LRRIQ3: variants seen among roughly 807,000 people sequenced by gnomAD.
The protein encoded by LRRIQ3 is leucine rich repeats and IQ motif containing 3, also known as leucine-rich repeat and IQ domain-containing protein 3.
In LRRIQ3, 75 loss-of-function variants were observed where a neutral mutation model predicts 59.3. That is an observed-to-expected ratio of 1.26 (90% CI 1.05 to 1.53). The LOEUF (loss-of-function observed/expected upper bound fraction) is 1.53, where lower values mean the gene tolerates loss of function less well. LRRIQ3 is among the 40% of genes most tolerant of loss of function. LRRIQ3 has a pLI of 0.00. For synonymous variants in LRRIQ3, 250 were observed against 231.3 expected (o/e 1.08, Z -0.73); for missense variants, 831 against 710.0 (o/e 1.17, Z -1.94).
chr1:74,116,899 GATT>G (rs1237254807), intron 4 of LRRIQ3, among the ~76,000 whole-genome samples: 1 of 151,998 alleles, frequency 6.6e-6, no homozygotes, highest in Admixed American at 6.6e-5. Context: ...TAATTCAAAC[GATT>G]ATTAATTTAA....
intron 4 of LRRIQ3, among the ~76,000 whole-genome samples, chr1:74,124,841 G>T (rs956216141): frequency 6.6e-6 from 1 of 151,768 alleles, no homozygotes; most frequent in African/African-American, 2.4e-5. Flanking sequence ...TGGCTATTCT[G>T]GGTCATTTGT....
intron 6 of LRRIQ3, among the ~76,000 whole-genome samples, chr1:74,049,144 C>T (rs189787497): frequency 4.2e-4 from 64 of 152,232 alleles, no homozygotes; most frequent in African/African-American, 1.5e-3. Flanking sequence ...GACAGAAGCA[C>T]ATTTAGCCTG....
intron 4 of LRRIQ3, among the ~76,000 whole-genome samples, chr1:74,137,931 G>A (rs769705584): frequency 3.8e-4 from 57 of 151,664 alleles, no homozygotes; most frequent in Middle Eastern, 3.4e-3. Flanking sequence ...ATCACACACC[G>A]GGGCCTGTCA....
intron 7 of LRRIQ3, among the ~76,000 whole-genome samples, chr1:74,036,876 A>G (rs1454942056): frequency 1.3e-5 from 2 of 152,250 alleles, no homozygotes; most frequent in Admixed American, 6.5e-5. Context: ...AAGCACTTGT[A>G]CTAAGAAGTT....
intron 5 of LRRIQ3, among the ~76,000 whole-genome samples, chr1:74,103,630 G>C (rs758210949): frequency 2.0e-5 from 3 of 151,566 alleles, no homozygotes; most frequent in Non-Finnish European, 2.9e-5. Context: ...ATAAAAGAAG[G>C]TGACCAGTTC....
At chr1:74,168,555 C>G (rs1424869917) in intron 3 of LRRIQ3, among the ~76,000 whole-genome samples, 1 of 152,072 alleles carries the variant, frequency 6.6e-6, no homozygotes, top group African/African-American at 2.4e-5. Context: ...TTTCTTATAA[C>G]TGGCATATTT....
At chr1:74,129,827 C>G (rs1044827793) in intron 4 of LRRIQ3, among the ~76,000 whole-genome samples, 11 of 151,966 alleles carry the variant, frequency 7.2e-5, no homozygotes, top group Admixed American at 2.0e-4. Context: ...CTGGGTCTTT[C>G]TCTTCAAGAC....
chr1:74,107,385 C>T (rs1331025017), intron 5 of LRRIQ3, among the ~76,000 whole-genome samples: 1 of 151,894 alleles, frequency 6.6e-6, no homozygotes, highest in African/African-American at 2.4e-5. Flanking sequence ...CCTTTCCCTA[C>T]TCCTTAACCC....
intron 6 of LRRIQ3, among the ~76,000 whole-genome samples, chr1:74,065,752 C>T (rs1410218543): frequency 6.6e-6 from 1 of 152,040 alleles, no homozygotes; most frequent in East Asian, 1.9e-4. Context: ...CTTCTGGCCT[C>T]ATAAAATGTA....
At chr1:74,186,259 A>G (rs1303096703) in intron 1 of LRRIQ3, among the ~76,000 whole-genome samples, 1 of 151,950 alleles carries the variant, frequency 6.6e-6, no homozygotes, top group Non-Finnish European at 1.5e-5. Flanking sequence ...CTATAGATTC[A>G]TCCACCAGGA....
At chr1:74,130,747 T>C (rs947534437) in intron 4 of LRRIQ3, among the ~76,000 whole-genome samples, 12 of 152,008 alleles carry the variant, frequency 7.9e-5, no homozygotes, top group Non-Finnish European at 1.5e-4. Flanking sequence ...TGTTTTTAAA[T>C]AAAAATCTCT....
intron 5 of LRRIQ3, among the ~76,000 whole-genome samples, chr1:74,097,660 G>A (rs1646467418): frequency 6.6e-6 from 1 of 152,158 alleles, no homozygotes; most frequent in African/African-American, 2.4e-5. Context: ...AGAGAGAAAG[G>A]TTGGGTTACC....
intron 5 of LRRIQ3, among the ~76,000 whole-genome samples, chr1:74,090,720 A>T (rs886840710): frequency 1.3e-5 from 2 of 151,746 alleles, no homozygotes; most frequent in African/African-American, 4.8e-5. Context: ...GTCTCTAAAA[A>T]AAAAGTATAA....
chr1:74,187,592 T>C (rs145008853), intron 1 of LRRIQ3, among the ~76,000 whole-genome samples: 40 of 151,938 alleles, frequency 2.6e-4, no homozygotes, highest in African/African-American at 6.8e-4. Flanking sequence ...AGGGTGAAGG[T>C]TGGGAGGGTC....
At chr1:74,131,298 A>T (rs1269884129) in intron 4 of LRRIQ3, among the ~76,000 whole-genome samples, 1 of 152,152 alleles carries the variant, frequency 6.6e-6, no homozygotes, top group African/African-American at 2.4e-5. Flanking sequence ...CTAGACGTAC[A>T]AGGAGGAGCT....
chr1:74,048,436 T>C (rs2100408512), intron 6 of LRRIQ3, among the ~76,000 whole-genome samples: 1 of 152,318 alleles, frequency 6.6e-6, no homozygotes. Flanking sequence ...GTGTTATTAA[T>C]GTAACAGATA....
chr1:74,176,306 C>T (rs1649636027), intron 3 of LRRIQ3, among the ~76,000 whole-genome samples: 1 of 152,058 alleles, frequency 6.6e-6, no homozygotes. Context: ...ATATTCTTTA[C>T]AGTTTTTGGT....
chr1:74,089,982 T>G (rs1475365067), intron 5 of LRRIQ3, among the ~76,000 whole-genome samples: 1 of 152,028 alleles, frequency 6.6e-6, no homozygotes, highest in Non-Finnish European at 1.5e-5. Context: ...TTATAATTTT[T>G]CAGGCAATTT....
intron 6 of LRRIQ3, among the ~76,000 whole-genome samples, chr1:74,071,847 A>G (rs551780089): frequency 6.6e-6 from 1 of 152,302 alleles, no homozygotes; most frequent in East Asian, 1.9e-4. Flanking sequence ...TAGTACAAAT[A>G]GCATGGGTCC....
Sources: gnomAD v4.1 joint callset for allele counts (sites outside exome capture counted in the v4.1 genomes callset) on GRCh38, gnomAD v4.1.1 for gene constraint, MANE v1.5 for transcripts, NCBI Gene and HGNC (gene_info 2026-07-23, HGNC 2026-07-21) for gene names.